The following MMS19 variants were observed in gnomAD, a reference collection of about 807,000 sequenced individuals.
MMS19 encodes MMS19 nucleotide excision repair protein homolog.
A neutral mutation model predicts 129.8 loss-of-function variants in MMS19; 77 were observed. That is an observed-to-expected ratio of 0.59 (90% CI 0.49 to 0.72). MMS19 has a LOEUF of 0.72. Ranked by LOEUF, MMS19 falls within the 30% of genes least tolerant of loss-of-function variation. MMS19 has a pLI of 0.00. For synonymous variants in MMS19, 491 were observed against 502.8 expected (o/e 0.98, Z 0.31); for missense variants, 1,168 against 1,266.3 (o/e 0.92, Z 1.18).
intron 1 of MMS19, among the ~76,000 whole-genome samples, chr10:97,494,946 G>A (rs2039519212): frequency 6.6e-6 from 1 of 152,170 alleles, no homozygotes; most frequent in Non-Finnish European, 1.5e-5. Context: ...CAACTGGGAG[G>A]GTAGGATGTG....
Position 97,466,120 on chromosome 10 carries a change from A to G in MMS19, c.1545T>C (p.Ala515=). The change falls in exon 17 of 31, where the codon GCT becomes GCC. Residue 515 remains alanine (A), a synonymous_variant. Coordinates refer to ENST00000438925, the MANE Select transcript of MMS19 (RefSeq NM_022362.5). ...GGCTGCTGAAGGCCACAGGGTAGAG[A>G]GCAGCCAGGGTTCCTGATGCTTCCA... ...AALEASGTLA[A]LYPVAFSSHL... The G allele has an allele frequency of 6.3e-7, 1 of 1,592,824 alleles. No homozygotes were observed. The highest frequency in any genetic ancestry group is 1.1e-5 in the South Asian group (1 of 89,038).
Position 97,469,668 on chromosome 10 carries a change from A to G in MMS19, c.902T>C (p.Leu301Pro), listed in dbSNP as rs1462489708. 1 of 1,613,956 alleles carries G rather than the reference A, an allele frequency of 6.2e-7. No homozygotes were observed. ...QKELKDFLPS[L>P]WASIRREVFQ... ...CACCTCTCTGCGGATAGAAGCCCAA[A>G]GGCTGGGGAGGAAGTCCTTCAGTTC... is the stretch of plus-strand genomic sequence containing the variant. The change falls in exon 11 of 31, where the codon CTT (leucine) becomes CCT (proline). Residue 301 changes from leucine (L) to proline (P), a missense_variant. This residue lies in a region of MMS19 where 831 missense variants were observed against 910.8 expected (regional missense o/e 0.91). Transcript: ENST00000438925.
In MMS19 at chr10:97,481,107, T is replaced by A. The variant is rs1042368666; in HGVS notation, c.162-65A>T. ...GTTCAAATGTTTGAAGAAATAAACA[T>A]TTTACATTAGTCACACTCACCCCCT... On this transcript the variant is annotated intron_variant, in intron 2 of 30. Transcript: ENST00000438925. The A allele has an allele frequency of 4.9e-6, 5 of 1,027,904 alleles. No individual in the cohort carries two copies. In the African/African-American group the frequency reaches 8.0e-5, roughly 16 times the overall value. The allele number at this position is 1,027,904 out of a possible 1,614,324, so 63.7% of individuals were successfully genotyped here. A position where few individuals can be genotyped will look rare whatever the true frequency, so the allele number is the denominator to read the frequency against.
chr10:97,481,724 C>G (rs1572266), intron 2 of MMS19, among the ~76,000 whole-genome samples: 143,599 of 152,108 alleles, frequency 0.94, 67,966 homozygotes, highest in Non-Finnish European at 0.98. Flanking sequence ...ATCTAAGCAG[C>G]AACAAGCAGA....
chr10:97,475,009 T>C (rs1261048486), intron 8 of MMS19, among the ~76,000 whole-genome samples: 2 of 152,242 alleles, frequency 1.3e-5, no homozygotes, highest in African/African-American at 4.8e-5. Flanking sequence ...ATTCTATCAT[T>C]ATATTCATAT....
chr10:97,480,814 A>C, intron 3 of MMS19, 128 bp downstream of exon 3: 1 of 704,776 alleles, frequency 1.4e-6, no homozygotes, highest in Non-Finnish European at 2.6e-6. Flanking sequence ...GTGAGGAATG[A>C]AGACCTTGAA....
At chr10:97,464,123 G>C in intron 18 of MMS19, 110 bp from the exon 19 acceptor site, 1 of 999,168 alleles carries the variant, frequency 1.0e-6, no homozygotes, top group South Asian at 1.6e-5. Flanking sequence ...GGGACCAAGA[G>C]TGCCTTATTA....
intron 8 of MMS19, among the ~76,000 whole-genome samples, chr10:97,475,635 G>A (rs1415011462): frequency 6.6e-6 from 1 of 152,182 alleles, no homozygotes; most frequent in African/African-American, 2.4e-5. Flanking sequence ...CTACTTGGGA[G>A]GCCGAGGCAG....
rs755203536 is a variant in MMS19 at position 97,477,910 on chromosome 10, G to A, written c.368C>T (p.Pro123Leu). ...LKALSLCVAL[P>L]PGLAVSVLKA... Reference sequence around the variant, plus strand: ...AAGCACAGAAACAGCCAGCCCTGGGGGCAGGGCCACACACAGGCTCTGGGG... The same window carrying A: ...AAGCACAGAAACAGCCAGCCCTGGGAGCAGGGCCACACACAGGCTCTGGGG... The change falls in exon 5 of 31, where the codon CCC becomes CTC. Residue 123 changes from proline (P) to leucine (L), a missense_variant. Around this residue, in one of 3 missense-constraint regions of MMS19, gnomAD observed 329 missense variants for 328.6 expected, o/e 1.00. Coordinates refer to ENST00000438925, the MANE Select transcript of MMS19 (RefSeq NM_022362.5). 1.2e-6 allele frequency: 2 copies of A among 1,607,280 alleles called. No individual in the cohort carries two copies. The highest frequency in any genetic ancestry group is 1.7e-5 in the Admixed American group (1 of 58,430).
chr10:97,478,334 G>T lies in MMS19; in HGVS notation c.318C>A (p.Ile106=), dbSNP rs572827758. The T allele has an allele frequency of 6.2e-6, 10 of 1,604,208 alleles. No individual in the cohort carries two copies. Among genetic ancestry groups the T allele is most frequent in the African/African-American group, 1.3e-5 (1 of 74,736 alleles). The part of the protein sequence containing the change: ...ENRLKDHHLV[I]PSVLQGLKAL... Reference sequence around the variant, plus strand: ...CCTTCAAACCCTGCAGGACAGATGGGATCACAAGATGATGGTCCTTCAGCC... The same window carrying T: ...CCTTCAAACCCTGCAGGACAGATGGTATCACAAGATGATGGTCCTTCAGCC... Residue 106 remains isoleucine, a synonymous_variant, in exon 4 of 31, where the codon ATC becomes ATA. Coordinates refer to ENST00000438925, the MANE Select transcript of MMS19 (RefSeq NM_022362.5).
intron 8 of MMS19, among the ~76,000 whole-genome samples, chr10:97,473,624 C>T (rs1230072401): frequency 6.6e-6 from 1 of 151,748 alleles, no homozygotes; most frequent in Non-Finnish European, 1.5e-5. Flanking sequence ...AACCTGTTGA[C>T]ATTGTTTGGC....
intron 12 of MMS19, among the ~76,000 whole-genome samples, chr10:97,468,734 G>A (rs898215211): frequency 3.9e-5 from 6 of 151,986 alleles, no homozygotes; most frequent in Non-Finnish European, 8.8e-5. Flanking sequence ...TCAGCCTCCC[G>A]AGTAGCTGGG....
chr10:97,483,367 T>TA (rs1377907574), intron 2 of MMS19, among the ~76,000 whole-genome samples: 34 of 151,822 alleles, frequency 2.2e-4, no homozygotes, highest in Admixed American at 1.9e-3. Context: ...ACTGTATATA[T>TA]TTTTTTTAAT....
chr10:97,498,473 A>C (rs2040232156), upstream of MMS19: 1 of 1,520,218 alleles, frequency 6.6e-7, no homozygotes, highest in Non-Finnish European at 8.8e-7. Context: ...ATCTCCGGGG[A>C]AGCGCAAGGG....
At chr10:97,489,937 T>C (rs988290585) in intron 1 of MMS19, among the ~76,000 whole-genome samples, 1 of 152,198 alleles carries the variant, frequency 6.6e-6, no homozygotes, top group Non-Finnish European at 1.5e-5. Context: ...GTTTATCACT[T>C]GGTTAAGGTA....
At chr10:97,459,565 T>C (rs754405308) in intron 27 of MMS19, 39 bp from the exon 28 acceptor site, 5 of 1,606,218 alleles carry the variant, frequency 3.1e-6, no homozygotes, top group Non-Finnish European at 4.3e-6. Context: ...GGCCACATCA[T>C]GAAGATCCTG....
Position 97,498,318 on chromosome 10 carries a change from A to G in MMS19, c.67T>C (p.Phe23Leu). Residue 23 changes from phenylalanine to leucine, a missense_variant, in exon 1 of 31, where the codon TTC becomes CTC. Around this residue, in one of 3 missense-constraint regions of MMS19, gnomAD observed 329 missense variants for 328.6 expected, o/e 1.00. Coordinates refer to ENST00000438925, the MANE Select transcript of MMS19 (RefSeq NM_022362.5). ...MGALWGLVHDFVVGQQEGPAD... is the reference protein window; with the variant it reads ...MGALWGLVHDLVVGQQEGPAD... The stretch of plus-strand genomic sequence containing the variant: ...GGGCCCTCTTGCTGACCCACGACGA[A>G]GTCGTGCACGAGGCCCCATAGGGCA... 1 of 1,574,372 alleles carries G rather than the reference A, an allele frequency of 6.4e-7. No homozygotes were observed. The highest frequency in any genetic ancestry group is 8.6e-7 in the Non-Finnish European group (1 of 1,167,192).
chr10:97,470,153 G>A lies in MMS19; in HGVS notation c.822C>T (p.Ala274=). The change falls in exon 10 of 31, where the codon GCC becomes GCT. Residue 274 remains alanine, a synonymous_variant. Transcript: ENST00000438925. ...IEKVDSEVLS[A]KLDSLQTLNA... ...CCAGAGTCTGTAGAGAATCCAACTT[G>A]GCACTCAGAACCTCAGAATCCACTT... The A allele has an allele frequency of 3.1e-6, 5 of 1,609,986 alleles. No homozygotes were observed. The highest frequency in any genetic ancestry group is 4.2e-6 in the Non-Finnish European group (5 of 1,177,998).
At chr10:97,468,079 C>T (rs561448425) in intron 13 of MMS19, among the ~76,000 whole-genome samples, 173 bp downstream of exon 13, 1 of 152,044 alleles carries the variant, frequency 6.6e-6, no homozygotes, top group East Asian at 1.9e-4. Context: ...GGAGAATGAT[C>T]CTTTTATGTA....
Sources: gnomAD v4.1 joint callset for allele counts (sites outside exome capture counted in the v4.1 genomes callset) on GRCh38, gnomAD v4.1.1 for gene constraint, gnomAD v4.1.1 regional missense constraint, MANE v1.5 for transcripts, NCBI Gene and HGNC (gene_info 2026-07-23, HGNC 2026-07-21) for gene names.